BMPR2: variants seen among roughly 807,000 people sequenced by gnomAD.
The protein encoded by BMPR2 is bone morphogenetic protein receptor type 2.
A neutral mutation model predicts 100.8 loss-of-function variants in BMPR2; 29 were observed. The ratio of observed to expected loss-of-function variants is 0.29; its 90% CI spans 0.21 to 0.39. BMPR2 has a LOEUF of 0.39. BMPR2 is among the 10% of genes least tolerant of loss of function. The probability of loss-of-function intolerance (pLI) is 1.00; values close to 1 mark genes in which losing one functional copy is unlikely to be tolerated. For synonymous variants in BMPR2, 382 were observed against 442.3 expected (o/e 0.86, Z 1.71); for missense variants, 1,011 against 1,274.5 (o/e 0.79, Z 3.15).
chr2:202,500,144 G>A (rs908282962), intron 3 of BMPR2, among the ~76,000 whole-genome samples: 2 of 152,154 alleles, frequency 1.3e-5, no homozygotes, highest in African/African-American at 4.8e-5. Flanking sequence ...TGAGCCCCGG[G>A]TATGTTTAAC....
At chr2:202,400,447 C>T (rs1690749152) in intron 1 of BMPR2, among the ~76,000 whole-genome samples, 1 of 151,932 alleles carries the variant, frequency 6.6e-6, no homozygotes. Context: ...ATCATGCCAC[C>T]CTTAATGTAG....
chr2:202,508,130 T>C (rs984128824), intron 3 of BMPR2, among the ~76,000 whole-genome samples: 3 of 150,772 alleles, frequency 2.0e-5, no homozygotes, highest in African/African-American at 7.3e-5. Flanking sequence ...TCTCAGTCTG[T>C]CACCCAGGCT....
chr2:202,405,986 G>C (rs1246097023), intron 1 of BMPR2, among the ~76,000 whole-genome samples: 3 of 150,612 alleles, frequency 2.0e-5, no homozygotes, highest in Non-Finnish European at 1.5e-5. Flanking sequence ...TGTGTAGTTT[G>C]TTTTTGCTAG....
intron 12 of BMPR2, among the ~76,000 whole-genome samples, chr2:202,558,471 A>G (rs1480886913): frequency 6.6e-6 from 1 of 152,202 alleles, no homozygotes; most frequent in Non-Finnish European, 1.5e-5. Flanking sequence ...GTCAAGGGCT[A>G]CAAAATGGGC....
In BMPR2 at chr2:202,377,165, A is replaced by G. The variant is rs562548424; in HGVS notation, c.-310A>G. ...TTGATATCGTGAAACTACGAGGGAA[A>G]TAATTTGGGGGATTTCTTCTTGGCT... On this transcript the variant is annotated 5_prime_UTR_variant, in exon 1 of 13. Transcript: ENST00000374580. 14 of 586,398 alleles carry G rather than the reference A, an allele frequency of 2.4e-5. No homozygotes were observed. The East Asian group carries it at 3.4e-4, about 14-fold the overall frequency. 36.3% of individuals were successfully genotyped at this position (586,398 alleles called of 1,614,324 possible). A position where few individuals can be genotyped will look rare whatever the true frequency, so the allele number is the denominator to read the frequency against.
At chr2:202,402,524 A>G (rs1341882440) in intron 1 of BMPR2, among the ~76,000 whole-genome samples, 1 of 152,160 alleles carries the variant, frequency 6.6e-6, no homozygotes, top group Admixed American at 6.5e-5. Flanking sequence ...CTCAAAAAAC[A>G]AAAAACAAAC....
In BMPR2 at chr2:202,503,025, A is replaced by T. The variant is rs531712970; in HGVS notation, c.419-10694A>T. Among the ~76,000 whole-genome samples, 32 of 152,310 alleles carry T rather than the reference A, an allele frequency of 2.1e-4. No individual in the cohort carries two copies. The highest frequency in any genetic ancestry group is 7.5e-4 in the African/African-American group (31 of 41,568). On this transcript the variant is annotated intron_variant, in intron 3 of 12. Coordinates refer to ENST00000374580, the MANE Select transcript of BMPR2 (RefSeq NM_001204.7). This position sits in a 1 kb window ranked among gnomAD's most constrained non-coding sequence, Gnocchi z 4.0. ...GAACCCCAAATGAGTTCAACTAACA[A>T]CTTCTACTGAGGACTCCTGGACCGA...
chr2:202,398,852 G>GTT (rs1559025928), intron 1 of BMPR2, among the ~76,000 whole-genome samples: 10 of 152,132 alleles, frequency 6.6e-5, no homozygotes, highest in Non-Finnish European at 1.0e-4. Flanking sequence ...ATCATAGCCG[G>GTT]GTGCGGTGGC....
chr2:202,506,167 A>AT (rs749716726), intron 3 of BMPR2, among the ~76,000 whole-genome samples: 74 of 148,766 alleles, frequency 5.0e-4, no homozygotes, highest in Non-Finnish European at 9.9e-4. Flanking sequence ...TTAATTAATT[A>AT]ATTTTTTTTT....
chr2:202,499,603 G>T (rs967287779), intron 3 of BMPR2, among the ~76,000 whole-genome samples: 1 of 152,122 alleles, frequency 6.6e-6, no homozygotes, highest in African/African-American at 2.4e-5. Context: ...GGCTACGAGA[G>T]GCCTTAAGAA....
chr2:202,437,139 G>C (rs907080972), intron 1 of BMPR2, among the ~76,000 whole-genome samples: 6 of 150,482 alleles, frequency 4.0e-5, no homozygotes, highest in Middle Eastern at 3.4e-3. Context: ...CAGAGTAGCT[G>C]GGATTACAGG....
In BMPR2 at chr2:202,493,582, CTG is replaced by C. The variant is rs1395176396; in HGVS notation, c.419-20135_419-20134del. Among the ~76,000 whole-genome samples the C allele has an allele frequency of 4.6e-5, 7 of 152,180 alleles. No individual in the cohort carries two copies. In the South Asian group the frequency reaches 1.0e-3, roughly 23 times the overall value. On this transcript the variant is annotated intron_variant, in intron 3 of 12. Transcript: ENST00000374580. ...TTTTATTCCAATCAAATATAATTAA[CTG>C]TTTTAATTCATTCTTTAATAAAATA...
intron 1 of BMPR2, among the ~76,000 whole-genome samples, chr2:202,391,572 A>G (rs1034167675): frequency 6.7e-6 from 1 of 149,232 alleles, no homozygotes; most frequent in African/African-American, 2.5e-5. Context: ...AATTATAGGC[A>G]TGCACCAACA....
At chr2:202,392,706 C>T (rs1237889196) in intron 1 of BMPR2, among the ~76,000 whole-genome samples, 1 of 151,964 alleles carries the variant, frequency 6.6e-6, no homozygotes, top group Non-Finnish European at 1.5e-5. Flanking sequence ...GTTAAGGGAG[C>T]ATCTGGCCGG....
intron 11 of BMPR2, among the ~76,000 whole-genome samples, chr2:202,553,354 AAT>A (rs1163582887): frequency 6.6e-6 from 1 of 152,090 alleles, no homozygotes; most frequent in African/African-American, 2.4e-5. Flanking sequence ...TTTCTTATAG[AAT>A]ATACTACTAC....
At chr2:202,510,145 G>A (rs529525239) in intron 3 of BMPR2, among the ~76,000 whole-genome samples, 10 of 152,234 alleles carry the variant, frequency 6.6e-5, no homozygotes, top group Non-Finnish European at 1.3e-4. Flanking sequence ...TTGGCTGGGC[G>A]CGGTGGCTTA....
intron 1 of BMPR2, among the ~76,000 whole-genome samples, chr2:202,377,816 C>T (rs1489709833): frequency 6.6e-6 from 1 of 152,240 alleles, no homozygotes; most frequent in Non-Finnish European, 1.5e-5. Flanking sequence ...GGTGTGGTAT[C>T]TTGACATTTT....
intron 1 of BMPR2, among the ~76,000 whole-genome samples, chr2:202,394,696 A>G (rs1206111098): frequency 6.6e-6 from 1 of 152,124 alleles, no homozygotes; most frequent in African/African-American, 2.4e-5. Context: ...GGCAGGTATT[A>G]TACTACGTGC....
At chr2:202,474,745 T>C (rs962923850) in intron 3 of BMPR2, 1 of 152,150 alleles carries the variant, frequency 6.6e-6, no homozygotes, top group African/African-American at 2.4e-5. Flanking sequence ...ATGGTCTCGA[T>C]CTCCTGACCT....
Sources: gnomAD v4.1 joint callset for allele counts (sites outside exome capture counted in the v4.1 genomes callset) on GRCh38, gnomAD v4.1.1 for gene constraint, Gnocchi (gnomAD v3.1) non-coding constraint, MANE v1.5 for transcripts, NCBI Gene and HGNC (gene_info 2026-07-23, HGNC 2026-07-21) for gene names.